GPC6: variants seen among roughly 807,000 people sequenced by gnomAD.
The protein encoded by GPC6 is glypican-6.
A neutral mutation model predicts 55.2 loss-of-function variants in GPC6; 14 were observed. That is an observed-to-expected ratio of 0.25 (90% CI 0.17 to 0.40). The LOEUF is 0.40. GPC6 is among the 10% of genes least tolerant of loss of function. The pLI, the probability that GPC6 is intolerant of heterozygous loss-of-function variation, is 1.00. For synonymous variants in GPC6, 278 were observed against 259.6 expected, an observed-to-expected ratio of 1.07 and a Z score of -0.68; for missense variants, 641 against 708.5, an observed-to-expected ratio of 0.90 and a Z score of 1.08.
chr13:93,867,397 A>G (rs1395727764), intron 3 of GPC6, among the ~76,000 whole-genome samples: 1 of 151,738 alleles, frequency 6.6e-6, no homozygotes, highest in East Asian at 2.0e-4. Flanking sequence ...TTCTTTAGCT[A>G]TGGGATGTTG....
intron 1 of GPC6, among the ~76,000 whole-genome samples, chr13:93,514,840 G>A (rs1456261159): frequency 2.6e-5 from 4 of 152,096 alleles, no homozygotes; most frequent in Non-Finnish European, 4.4e-5. Context: ...TAGAGTCGTC[G>A]TGAGGAAAAA....
chr13:94,238,521 TA>T (rs1890949470), intron 4 of GPC6, among the ~76,000 whole-genome samples: 1 of 152,144 alleles, frequency 6.6e-6, no homozygotes, highest in African/African-American at 2.4e-5. Context: ...GGAGTAGAGT[TA>T]CTCCATTGGA....
intron 3 of GPC6, among the ~76,000 whole-genome samples, chr13:93,887,336 G>A (rs1399596608): frequency 6.6e-6 from 1 of 151,950 alleles, no homozygotes; most frequent in Non-Finnish European, 1.5e-5. Flanking sequence ...TGATTGTCAT[G>A]TAGCTTTGGA....
chr13:93,575,082 T>C (rs1012354543), intron 2 of GPC6, among the ~76,000 whole-genome samples: 30 of 151,952 alleles, frequency 2.0e-4, no homozygotes, highest in African/African-American at 6.8e-4. Flanking sequence ...TCACCTGAGG[T>C]CAGGAGTTCA....
chr13:94,344,423 A>C (rs1341880396), intron 6 of GPC6, among the ~76,000 whole-genome samples: 1 of 152,234 alleles, frequency 6.6e-6, no homozygotes, highest in Admixed American at 6.5e-5. Flanking sequence ...ATCTCCACGA[A>C]GCAGTCTTAG....
intron 4 of GPC6, among the ~76,000 whole-genome samples, chr13:94,114,688 A>G (rs1442411540): frequency 6.6e-6 from 1 of 152,176 alleles, no homozygotes; most frequent in Non-Finnish European, 1.5e-5. Context: ...TGAAGCTTAC[A>G]TATTCCTATC....
chr13:94,136,203 T>C (rs1013974056), intron 4 of GPC6, among the ~76,000 whole-genome samples: 3 of 135,192 alleles, frequency 2.2e-5, no homozygotes, highest in African/African-American at 8.2e-5. Context: ...TTTTTTTTTT[T>C]CTTCATTTCA....
intron 2 of GPC6, among the ~76,000 whole-genome samples, chr13:93,609,166 T>C (rs75229521): frequency 0.019 from 2,847 of 152,316 alleles, 90 homozygotes; most frequent in African/African-American, 0.065. Context: ...AGGCCTTTTC[T>C]GTAATCTCTT....
intron 2 of GPC6, among the ~76,000 whole-genome samples, chr13:93,765,463 A>G (rs1566524132): frequency 6.7e-6 from 1 of 150,264 alleles, no homozygotes; most frequent in Non-Finnish European, 1.5e-5. Context: ...TTCCATTAAT[A>G]TATACTATTT....
At chr13:94,232,159 C>G (rs988224554) in intron 4 of GPC6, among the ~76,000 whole-genome samples, 1 of 152,214 alleles carries the variant, frequency 6.6e-6, no homozygotes, top group African/African-American at 2.4e-5. Context: ...AAATCTACTT[C>G]TCATGTACTG....
At chr13:93,426,457 G>A (rs1266299062) in intron 1 of GPC6, among the ~76,000 whole-genome samples, 149 of 118,090 alleles carry the variant, frequency 1.3e-3, no homozygotes, top group Non-Finnish European at 2.0e-3. Flanking sequence ...TCATTGTTCA[G>A]TTCCCACCTA....
At chr13:93,778,872 A>G (rs747403386) in intron 2 of GPC6, among the ~76,000 whole-genome samples, 13 of 152,194 alleles carry the variant, frequency 8.5e-5, no homozygotes, top group Non-Finnish European at 1.3e-4. Flanking sequence ...TTGATGGCCA[A>G]TGAGGTTATG....
At chr13:94,122,328 TA>T (rs1302357736) in intron 4 of GPC6, among the ~76,000 whole-genome samples, 14 of 152,088 alleles carry the variant, frequency 9.2e-5, no homozygotes, top group African/African-American at 2.9e-4. Context: ...GAAAATTAGA[TA>T]CTCAGATTGT....
chr13:94,204,016 T>C (rs1200259253), intron 4 of GPC6, among the ~76,000 whole-genome samples: 1 of 152,174 alleles, frequency 6.6e-6, no homozygotes, highest in Non-Finnish European at 1.5e-5. Flanking sequence ...CTTTATTGTT[T>C]AAACATATAA....
chr13:93,410,113 C>T (rs891721815), intron 1 of GPC6, among the ~76,000 whole-genome samples: 1 of 152,160 alleles, frequency 6.6e-6, no homozygotes, highest in Admixed American at 6.5e-5. Flanking sequence ...GATTCAACCT[C>T]TTTCAGTACT....
intron 6 of GPC6, among the ~76,000 whole-genome samples, chr13:94,379,010 A>G (rs570000889): frequency 6.6e-6 from 1 of 152,306 alleles, no homozygotes; most frequent in South Asian, 2.1e-4. Flanking sequence ...GTTTGTTAAC[A>G]TAAAGCTTAA....
At chr13:94,111,808 G>GT (rs1408691497) in intron 4 of GPC6, among the ~76,000 whole-genome samples, 1 of 152,086 alleles carries the variant, frequency 6.6e-6, no homozygotes, top group African/African-American at 2.4e-5. Flanking sequence ...TGGGTATTCA[G>GT]TAATTGCTTT....
chr13:93,506,282 C>A (rs536660051), intron 1 of GPC6, among the ~76,000 whole-genome samples: 1 of 152,240 alleles, frequency 6.6e-6, no homozygotes, highest in Admixed American at 6.5e-5. Context: ...TTGAGGGGGG[C>A]TGTGTACTTG....
intron 2 of GPC6, among the ~76,000 whole-genome samples, chr13:93,723,863 C>T (rs1018556660): frequency 4.6e-5 from 7 of 151,836 alleles, no homozygotes; most frequent in Non-Finnish European, 1.0e-4. Context: ...ATCCTATCAA[C>T]CTAGTTGTAT....
Sources: allele counts gnomAD v4.1 joint callset (sites outside exome capture counted in the v4.1 genomes callset), GRCh38; gene constraint gnomAD v4.1.1; transcripts MANE v1.5; gene names NCBI Gene and HGNC (gene_info 2026-07-23, HGNC 2026-07-21).